NIBAN1: variants seen among roughly 807,000 people sequenced by gnomAD.
NIBAN1 encodes the protein protein Niban 1.
Under a neutral mutation model 75.1 loss-of-function variants are expected in NIBAN1, and 81 were observed. The observed-to-expected ratio is 1.08, with a 90% CI of 0.90 to 1.30. NIBAN1 has a LOEUF of 1.30. Among genes scored for constraint, NIBAN1 ranks in the 50% most tolerant of loss-of-function variants. The probability of loss-of-function intolerance (pLI) is 0.00; values close to 1 mark genes in which losing one functional copy is unlikely to be tolerated. For synonymous variants in NIBAN1, 436 were observed against 424.8 expected, an observed-to-expected ratio of 1.03 and a Z score of -0.32; for missense variants, 1,133 against 1,128.1, an observed-to-expected ratio of 1.00 and a Z score of -0.06.
At chr1:184,925,872 A>G (rs980829747) in intron 1 of NIBAN1, among the ~76,000 whole-genome samples, 12 of 152,298 alleles carry the variant, frequency 7.9e-5, no homozygotes, top group Non-Finnish European at 8.8e-5. Flanking sequence ...TTTACACACC[A>G]CAATTACAGT....
chr1:184,880,901 G>A (rs534305243), intron 5 of NIBAN1, among the ~76,000 whole-genome samples: 2 of 152,320 alleles, frequency 1.3e-5, no homozygotes, highest in South Asian at 4.1e-4. Flanking sequence ...AGGGATTACA[G>A]TGTGACTCCA....
At chr1:184,868,091 A>AGATGT (rs1656004409) in intron 5 of NIBAN1, 1 of 981,922 alleles carries the variant, frequency 1.0e-6, no homozygotes, top group Non-Finnish European at 1.2e-6. Flanking sequence ...TTGTCTGGTA[A>AGATGT]GATGTGAAAA....
intron 5 of NIBAN1, among the ~76,000 whole-genome samples, chr1:184,832,492 T>C (rs1655025433): frequency 6.6e-6 from 1 of 152,254 alleles, no homozygotes; most frequent in Admixed American, 6.5e-5. Flanking sequence ...CTAAGCACTT[T>C]ACAGATTTCA....
intron 5 of NIBAN1, among the ~76,000 whole-genome samples, chr1:184,842,702 GA>G (rs1655325597): frequency 4.9e-5 from 2 of 41,074 alleles, no homozygotes; most frequent in Admixed American, 5.8e-4. Flanking sequence ...GCAGTGAGCC[GA>G]GATTGTGCCT....
At position 184,795,549 on chromosome 1, in the gene NIBAN1, G is replaced by T; in HGVS notation, c.2215C>A (p.His739Asn). 1 of 1,614,140 alleles carries T rather than the reference G, an allele frequency of 6.2e-7. No individual in the cohort carries two copies. Among genetic ancestry groups the T allele is most frequent in the East Asian group, 2.2e-5 (1 of 44,870 alleles). Residue 739 changes from histidine to asparagine, a missense_variant, in exon 14 of 14, where the codon CAC (histidine) becomes AAC (asparagine). His to Asn is a moderately conservative substitution (Grantham distance 68, BLOSUM62 1). Transcript: ENST00000367511. ...VMEEDTNGES[H>N]VPQENEEEEE... ...TCTTCTTCATTTTCTTGGGGAACGTGGCTCTCCCCATTCGTATCTTCTTCC... is the reference window on the plus strand; with the variant it reads ...TCTTCTTCATTTTCTTGGGGAACGTTGCTCTCCCCATTCGTATCTTCTTCC...
At chr1:184,918,265 G>A (rs571644875) in intron 1 of NIBAN1, among the ~76,000 whole-genome samples, 4 of 152,206 alleles carry the variant, frequency 2.6e-5, no homozygotes, top group South Asian at 4.2e-4. Context: ...TGCCACCAAC[G>A]ACTGGTTCAG....
intron 1 of NIBAN1, among the ~76,000 whole-genome samples, chr1:184,932,839 GTC>G (rs747345226): frequency 6.6e-6 from 1 of 152,186 alleles, no homozygotes; most frequent in Non-Finnish European, 1.5e-5. Context: ...GTTAGTGCCA[GTC>G]TCTCTGCATC....
intron 5 of NIBAN1, among the ~76,000 whole-genome samples, chr1:184,839,799 A>G (rs2758857): frequency 0.61 from 91,987 of 151,778 alleles, 28,531 homozygotes; most frequent in African/African-American, 0.74. Context: ...GTTTTGCCAT[A>G]TTGGCCAGGC....
At chr1:184,960,698 G>C (rs957720724) in intron 1 of NIBAN1, among the ~76,000 whole-genome samples, 1 of 152,004 alleles carries the variant, frequency 6.6e-6, no homozygotes, top group Non-Finnish European at 1.5e-5. Context: ...GCACAGTCTC[G>C]GCTCACTGCA....
intron 1 of NIBAN1, among the ~76,000 whole-genome samples, chr1:184,925,788 CTA>C (rs1042059353): frequency 6.6e-5 from 10 of 151,980 alleles, no homozygotes; most frequent in African/African-American, 2.4e-4. Flanking sequence ...ATTGTATTGT[CTA>C]TGTGTTGAAA....
intron 5 of NIBAN1, among the ~76,000 whole-genome samples, chr1:184,874,814 G>T (rs2102292362): frequency 6.6e-6 from 1 of 152,058 alleles, no homozygotes; most frequent in African/African-American, 2.4e-5. Context: ...CAAAAGTAAG[G>T]ATATAGATTT....
At chr1:184,955,367 T>TTCCTTTCC (rs1658462594) in intron 1 of NIBAN1, among the ~76,000 whole-genome samples, 1 of 33,432 alleles carries the variant, frequency 3.0e-5, no homozygotes, top group Non-Finnish European at 7.7e-5. Context: ...CTTTTCTTTT[T>TTCCTTTCC]TGTTTTGTTT....
chr1:184,864,325 A>G (rs1173139231), intron 5 of NIBAN1, among the ~76,000 whole-genome samples: 1 of 134,750 alleles, frequency 7.4e-6, no homozygotes, highest in South Asian at 2.7e-4. Context: ...ATTGGCAATC[A>G]TACTTCTGAC....
chr1:184,820,511 G>A (rs1654666460), intron 8 of NIBAN1, among the ~76,000 whole-genome samples: 1 of 152,144 alleles, frequency 6.6e-6, no homozygotes, highest in Non-Finnish European at 1.5e-5. Context: ...TAATGTCCTG[G>A]AACTCCCACA....
At chr1:184,893,111 T>G (rs1160586925) in intron 3 of NIBAN1, among the ~76,000 whole-genome samples, 1 of 152,056 alleles carries the variant, frequency 6.6e-6, no homozygotes, top group Non-Finnish European at 1.5e-5. Context: ...GAGAGCAGAG[T>G]TTTAAATCTG....
chr1:184,935,625 A>T (rs1023527245), intron 1 of NIBAN1, among the ~76,000 whole-genome samples: 5 of 152,142 alleles, frequency 3.3e-5, no homozygotes, highest in East Asian at 3.8e-4. Flanking sequence ...ATATTTTTTT[A>T]AATGTGAAAA....
At chr1:184,819,915 C>T (rs542502817) in intron 8 of NIBAN1, among the ~76,000 whole-genome samples, 16 of 152,144 alleles carry the variant, frequency 1.1e-4, no homozygotes, top group African/African-American at 1.7e-4. Context: ...TGAATGGCCT[C>T]GTTCTTATTT....
At chr1:184,974,022 G>A (rs1659005557) in intron 1 of NIBAN1, among the ~76,000 whole-genome samples, 2 of 152,142 alleles carry the variant, frequency 1.3e-5, no homozygotes, top group African/African-American at 2.4e-5. Context: ...GGGCGGGGGC[G>A]GCACTGACCC....
At chr1:184,811,784 G>A (rs370624947) in intron 9 of NIBAN1, among the ~76,000 whole-genome samples, 2 of 152,096 alleles carry the variant, frequency 1.3e-5, no homozygotes, top group African/African-American at 2.4e-5. Flanking sequence ...GAGCCACTGC[G>A]CCCGGCTGCA....
Sources: allele counts gnomAD v4.1 joint callset (sites outside exome capture counted in the v4.1 genomes callset), GRCh38; gene constraint gnomAD v4.1.1; transcripts MANE v1.5; gene names NCBI Gene and HGNC (gene_info 2026-07-23, HGNC 2026-07-21).